Variants in SCYL2 observed in about 807,000 individuals in gnomAD.
The protein encoded by SCYL2 is SCY1-like protein 2.
Under a neutral mutation model 100.4 loss-of-function variants are expected in SCYL2, and 36 were observed. That is an observed-to-expected ratio of 0.36 (90% CI 0.27 to 0.47). The LOEUF (loss-of-function observed/expected upper bound fraction) is 0.47. SCYL2 is among the 20% of genes least tolerant of loss of function. SCYL2 has a pLI of 1.00. For missense variants in SCYL2, 902 were observed against 1,083.9 expected (o/e 0.83, Z 2.36); for synonymous variants, 330 against 359.2 (o/e 0.92, Z 0.92).
In SCYL2 at chr12:100,317,861, A is replaced by C. The variant is rs1279282644; in HGVS notation, c.1331A>C (p.Glu444Ala). 1.2e-6 allele frequency: 2 copies of C among 1,609,530 alleles called. No homozygotes were observed. The highest frequency in any genetic ancestry group is 1.7e-6 in the Non-Finnish European group (2 of 1,179,098). The change falls in exon 10 of 18, where the codon GAG (glutamate) becomes GCG (alanine). Residue 444 changes from glutamate (E) to alanine (A), a missense_variant. By Grantham distance (107) the Glu-to-Ala change is moderately radical (BLOSUM62 -1). Transcript: ENST00000360820. ...DLLLTKTPPD[E>A]IKNSVLPMVY... is the part of the protein sequence containing the mutation. ...CTACTAACCAAAACCCCTCCTGATG[A>C]GATAAAGAACAGTGTTCTACCCATG...
At chr12:100,308,335 C>T (rs1355188665) in intron 4 of SCYL2, among the ~76,000 whole-genome samples, 3 of 152,152 alleles carry the variant, frequency 2.0e-5, no homozygotes, top group Non-Finnish European at 4.4e-5. Flanking sequence ...ACGTCCTTTG[C>T]AGGGACGTGG....
intron 11 of SCYL2, among the ~76,000 whole-genome samples, chr12:100,324,115 A>ACC (rs2096359210): frequency 2.0e-5 from 3 of 152,172 alleles, no homozygotes; most frequent in Non-Finnish European, 4.4e-5. Context: ...TACAAGTAGG[A>ACC]TAAATAGTTG....
chr12:100,329,455 G>A (rs1291332593), intron 13 of SCYL2, 136 bp downstream of exon 13: 6 of 504,926 alleles, frequency 1.2e-5, no homozygotes, highest in Non-Finnish European at 1.1e-5. Flanking sequence ...AATGAAGAAA[G>A]TTTGTGGGTG....
In SCYL2 at chr12:100,282,864, A is replaced by G. The variant is rs998340615; in HGVS notation, c.-28-79A>G. The G allele has an allele frequency of 1.7e-5, 11 of 644,740 alleles. No homozygotes were observed. In the African/African-American group the frequency reaches 2.1e-4, roughly 12 times the overall value. 39.9% of individuals were successfully genotyped at this position (644,740 alleles called of 1,614,324 possible). ...CTGTTCACTGTTTGGGAGATCTTAC[A>G]CTTTTCAAATTAAACTATGAATAAA... is the stretch of plus-strand genomic sequence containing the variant. On this transcript the variant is annotated intron_variant, in intron 1 of 17. Coordinates refer to ENST00000360820, the MANE Select transcript of SCYL2 (RefSeq NM_017988.6).
rs752553947 is a variant in SCYL2, at chr12:100,315,583, C to T, written c.1121C>T (p.Pro374Leu). ...CGTGTCATTGTGCAGAGAATTTTGCCTTGTTTGACTTCAGAATTTGTAAAC... is the reference window on the plus strand; with the variant it reads ...CGTGTCATTGTGCAGAGAATTTTGCTTTGTTTGACTTCAGAATTTGTAAAC... ...PKRVIVQRIL[P>L]CLTSEFVNPD... The change falls in exon 9 of 18, where the codon CCT (proline) becomes CTT (leucine). Residue 374 changes from proline to leucine, a missense_variant. Transcript: ENST00000360820. 6.2e-7 allele frequency: 1 copy of T among 1,601,102 alleles called. No homozygotes were observed. The highest frequency in any genetic ancestry group is 2.2e-5 in the East Asian group (1 of 44,666).
intron 4 of SCYL2, among the ~76,000 whole-genome samples, chr12:100,306,413 T>C (rs1319383513): frequency 3.3e-5 from 5 of 152,248 alleles, no homozygotes; most frequent in Admixed American, 2.6e-4. Context: ...CACATGATTA[T>C]ATCAATAGTT....
intron 2 of SCYL2, among the ~76,000 whole-genome samples, chr12:100,287,974 G>T (rs2096306245): frequency 6.6e-6 from 1 of 152,172 alleles, no homozygotes; most frequent in Non-Finnish European, 1.5e-5. Context: ...CTTTCTTCAA[G>T]AGGATTGTAA....
chr12:100,312,967 T>A (rs993292333), intron 6 of SCYL2, among the ~76,000 whole-genome samples: 2 of 150,474 alleles, frequency 1.3e-5, no homozygotes, highest in Non-Finnish European at 3.0e-5. Context: ...AAAAAAAAAA[T>A]ACAAAAAGTT....
intron 13 of SCYL2, among the ~76,000 whole-genome samples, chr12:100,331,665 T>TG (rs57776061): frequency 4.0e-5 from 6 of 151,790 alleles, no homozygotes; most frequent in Non-Finnish European, 7.4e-5. Context: ...TTTTTTGGGG[T>TG]GGGGGGAGTG....
chr12:100,269,810 A>G lies in SCYL2; in HGVS notation c.-29+2018A>G, dbSNP rs1473240207. Among the ~76,000 whole-genome samples, 3 of 152,146 alleles carry G rather than the reference A, an allele frequency of 2.0e-5. No homozygotes were observed. The East Asian group carries it at 5.8e-4, about 29-fold the overall frequency. On this transcript the variant is annotated intron_variant, in intron 1 of 17. Coordinates refer to ENST00000360820, the MANE Select transcript of SCYL2 (RefSeq NM_017988.6). ...CTTACGGAGCTTTCTCAGGATACAG[A>G]TATACTTCACCTTTATAGGTTCCGA...
At chr12:100,301,989 G>C (rs1384706531) in intron 4 of SCYL2, among the ~76,000 whole-genome samples, 1 of 152,180 alleles carries the variant, frequency 6.6e-6, no homozygotes, top group Non-Finnish European at 1.5e-5. Flanking sequence ...ATCCCGCCAG[G>C]ACTGGGTCCT....
chr12:100,277,262 T>A (rs1256178659), intron 1 of SCYL2, among the ~76,000 whole-genome samples: 1 of 152,190 alleles, frequency 6.6e-6, no homozygotes, highest in Non-Finnish European at 1.5e-5. Context: ...GAGTGTGTGT[T>A]TTAGGTCAGG....
intron 14 of SCYL2, among the ~76,000 whole-genome samples, chr12:100,334,829 C>T (rs145079576): frequency 1.2e-3 from 177 of 151,840 alleles, no homozygotes; most frequent in African/African-American, 4.1e-3. Flanking sequence ...AAATCGAAGC[C>T]CCACTATATT....
intron 2 of SCYL2, among the ~76,000 whole-genome samples, chr12:100,290,986 G>A (rs547946140): frequency 2.6e-5 from 4 of 152,176 alleles, no homozygotes; most frequent in South Asian, 2.1e-4. Context: ...ACTAGTAACC[G>A]TTTACATTTA....
intron 2 of SCYL2, among the ~76,000 whole-genome samples, chr12:100,291,135 A>G (rs976990859): frequency 1.3e-5 from 2 of 152,322 alleles, no homozygotes; most frequent in East Asian, 1.9e-4. Context: ...GCATTTCAAG[A>G]TTTTGTAGTA....
intron 1 of SCYL2, among the ~76,000 whole-genome samples, chr12:100,273,912 C>T (rs1370408663): frequency 6.6e-6 from 1 of 152,172 alleles, no homozygotes; most frequent in Non-Finnish European, 1.5e-5. Context: ...TAATATATAG[C>T]TTGTCAGGCA....
At position 100,314,511 on chromosome 12, in the gene SCYL2, G is replaced by T; in HGVS notation, c.992G>T (p.Gly331Val). ...MTKIPFFDDV[G>V]AVTLQYFDTL... is the part of the protein sequence containing the mutation. ...TAGATTCCCTTCTTTGATGATGTTG[G>T]TGCAGTAACACTGCAATATTTTGAT... is the stretch of plus-strand genomic sequence containing the variant. The change falls in exon 8 of 18, where the codon GGT becomes GTT. Residue 331 changes from glycine (G) to valine (V), a missense_variant. Gly to Val is a moderately radical substitution (Grantham distance 109). Transcript: ENST00000360820. 1.3e-6 allele frequency: 2 copies of T among 1,580,110 alleles called. No homozygotes were observed. Among genetic ancestry groups the T allele is most frequent in the Non-Finnish European group, 1.7e-6 (2 of 1,158,604 alleles).
intron 3 of SCYL2, among the ~76,000 whole-genome samples, chr12:100,292,875 T>C (rs755799131): frequency 1.3e-5 from 2 of 152,214 alleles, no homozygotes; most frequent in Non-Finnish European, 2.9e-5. Flanking sequence ...TGGATTACAG[T>C]AGTGCCATCA....
Position 100,317,902 on chromosome 12 carries a change from G to C in SCYL2, c.1372G>C (p.Glu458Gln), listed in dbSNP as rs998644169. 1.3e-6 allele frequency: 2 copies of C among 1,589,130 alleles called. No individual in the cohort carries two copies. Among genetic ancestry groups the C allele is most frequent in the Non-Finnish European group, 1.7e-6 (2 of 1,173,552 alleles). Reference sequence around the variant, plus strand: ...TCTACCCATGGTTTACAGAGCACTAGAAGCTCCTTCCATTCAGATCCAGGT... The same window carrying C: ...TCTACCCATGGTTTACAGAGCACTACAAGCTCCTTCCATTCAGATCCAGGT... ...SVLPMVYRAL[E>Q]APSIQIQELC... Residue 458 changes from glutamate to glutamine, a missense_variant, in exon 10 of 18, where the codon GAA (glutamate) becomes CAA (glutamine). Transcript: ENST00000360820.
Sources: gnomAD v4.1 joint callset for allele counts (sites outside exome capture counted in the v4.1 genomes callset) on GRCh38, gnomAD v4.1.1 for gene constraint, MANE v1.5 for transcripts, NCBI Gene and HGNC (gene_info 2026-07-23, HGNC 2026-07-21) for gene names.